The following ASIC2 variants were observed in gnomAD, a reference collection of about 807,000 sequenced individuals.
ASIC2 encodes the protein acid-sensing ion channel 2.
A neutral mutation model predicts 57.3 loss-of-function variants in ASIC2; 25 were observed. The observed-to-expected ratio is 0.44, with a 90% CI of 0.32 to 0.61. ASIC2 has a LOEUF of 0.61. Ranked by LOEUF, ASIC2 falls within the 20% of genes least tolerant of loss-of-function variation. The pLI, the probability that ASIC2 is intolerant of heterozygous loss-of-function variation, is 0.06. For synonymous variants in ASIC2, 319 were observed against 307.5 expected (o/e 1.04, Z -0.39); for missense variants, 641 against 738.1 (o/e 0.87, Z 1.52).
At chr17:33,371,673 G>A (rs765673231) in intron 1 of ASIC2, among the ~76,000 whole-genome samples, 1 of 149,268 alleles carries the variant, frequency 6.7e-6, no homozygotes, top group Admixed American at 6.7e-5. Context: ...GAAAACACTC[G>A]CAAACTATAA....
chr17:33,786,563 C>G (rs1482112878), intron 1 of ASIC2, among the ~76,000 whole-genome samples: 1 of 152,166 alleles, frequency 6.6e-6, no homozygotes, highest in African/African-American at 2.4e-5. Flanking sequence ...TAAAGAATGG[C>G]TTTTTAAATT....
chr17:33,084,188 T>A (rs2092125316), intron 3 of ASIC2, among the ~76,000 whole-genome samples: 1 of 151,994 alleles, frequency 6.6e-6, no homozygotes, highest in Non-Finnish European at 1.5e-5. Flanking sequence ...ATGCTAGAGG[T>A]CATTTGAAGT....
At chr17:33,499,672 A>G (rs1914043333) in intron 1 of ASIC2, among the ~76,000 whole-genome samples, 1 of 152,264 alleles carries the variant, frequency 6.6e-6, no homozygotes, top group Non-Finnish European at 1.5e-5. Context: ...ACACCTGATG[A>G]TACTGACTGG....
At chr17:33,519,277 T>C (rs577542875) in intron 1 of ASIC2, among the ~76,000 whole-genome samples, 2 of 152,218 alleles carry the variant, frequency 1.3e-5, no homozygotes, top group African/African-American at 2.4e-5. Flanking sequence ...GTTATACAAA[T>C]AGAAGCAGAG....
chr17:33,683,039 G>A (rs1908058211), intron 1 of ASIC2, among the ~76,000 whole-genome samples: 1 of 152,216 alleles, frequency 6.6e-6, no homozygotes, highest in Non-Finnish European at 1.5e-5. Context: ...TAGTTATAGA[G>A]GCTAGAAGTT....
At chr17:33,335,912 G>A (rs1907495870) in intron 1 of ASIC2, among the ~76,000 whole-genome samples, 1 of 152,178 alleles carries the variant, frequency 6.6e-6, no homozygotes, top group Non-Finnish European at 1.5e-5. Flanking sequence ...TAGACTCACA[G>A]GAGGGGAAGG....
At chr17:33,510,014 AAATAGC>A (rs1914384302) in intron 1 of ASIC2, among the ~76,000 whole-genome samples, 1 of 152,218 alleles carries the variant, frequency 6.6e-6, no homozygotes, top group South Asian at 2.1e-4. Context: ...CCTTCTCTTT[AAATAGC>A]CCTCCAGAGG....
chr17:33,542,760 A>T (rs1915456902), intron 1 of ASIC2, among the ~76,000 whole-genome samples: 2 of 132,972 alleles, frequency 1.5e-5, no homozygotes, highest in Admixed American at 7.8e-5. Context: ...ATTAGATCCC[A>T]TTTGTCAATT....
At chr17:33,157,849 C>T (rs2142036049) in intron 1 of ASIC2, among the ~76,000 whole-genome samples, 1 of 152,370 alleles carries the variant, frequency 6.6e-6, no homozygotes, top group South Asian at 2.1e-4. Flanking sequence ...CACATCCTCA[C>T]CATGGCCTGT....
intron 1 of ASIC2, among the ~76,000 whole-genome samples, chr17:33,782,006 C>T (rs1471097045): frequency 6.6e-6 from 1 of 152,136 alleles, no homozygotes. Context: ...CCAATCTGGC[C>T]TCTTGCAATG....
At chr17:33,985,050 A>G (rs1347512409) in intron 1 of ASIC2, among the ~76,000 whole-genome samples, 1 of 152,222 alleles carries the variant, frequency 6.6e-6, no homozygotes, top group Non-Finnish European at 1.5e-5. Context: ...AGTGATAAAC[A>G]TATGGGGCTC....
At chr17:33,529,727 C>T (rs752149118) in intron 1 of ASIC2, 5 of 152,240 alleles carry the variant, frequency 3.3e-5, no homozygotes, top group Admixed American at 6.5e-5. Flanking sequence ...GTGCTTAGAA[C>T]AGTCACTTCT....
chr17:33,871,320 G>T (rs184326328), intron 1 of ASIC2, among the ~76,000 whole-genome samples: 13 of 152,334 alleles, frequency 8.5e-5, no homozygotes, highest in Non-Finnish European at 1.6e-4. Flanking sequence ...CAAATGGAAA[G>T]TATTTTGGGC....
intron 1 of ASIC2, among the ~76,000 whole-genome samples, chr17:34,087,994 T>C (rs1910174778): frequency 6.6e-6 from 1 of 152,242 alleles, no homozygotes; most frequent in African/African-American, 2.4e-5. Flanking sequence ...AATTTCCTCC[T>C]GTAGCTTGGA....
intron 1 of ASIC2, among the ~76,000 whole-genome samples, chr17:33,562,725 AGAGGGTTGATATGT>A (rs933089180): frequency 2.0e-5 from 3 of 152,148 alleles, no homozygotes; most frequent in African/African-American, 7.2e-5. Context: ...CTTAGCCTCC[AGAGGGTTGATATGT>A]GAGGCAGCTC....
intron 1 of ASIC2, among the ~76,000 whole-genome samples, chr17:34,151,519 G>A (rs1294895689): frequency 6.6e-6 from 1 of 152,206 alleles, no homozygotes. Context: ...CACAGGACAA[G>A]TGAGCTTCCT....
chr17:33,787,005 T>C (rs1257256321), intron 1 of ASIC2, among the ~76,000 whole-genome samples: 1 of 152,216 alleles, frequency 6.6e-6, no homozygotes, highest in African/African-American at 2.4e-5. Flanking sequence ...ATCAAGCTTC[T>C]TGGATGGATG....
At chr17:34,137,168 T>C (rs975518679) in intron 1 of ASIC2, among the ~76,000 whole-genome samples, 1 of 152,254 alleles carries the variant, frequency 6.6e-6, no homozygotes. Context: ...TGTATATCTG[T>C]AACCTTCTAA....
intron 1 of ASIC2, among the ~76,000 whole-genome samples, chr17:33,417,833 G>C (rs1288009973): frequency 6.6e-6 from 1 of 152,170 alleles, no homozygotes; most frequent in African/African-American, 2.4e-5. Flanking sequence ...CACAACATCT[G>C]TGTGATGTCC....
Sources: allele counts gnomAD v4.1 joint callset (sites outside exome capture counted in the v4.1 genomes callset), GRCh38; gene constraint gnomAD v4.1.1; transcripts MANE v1.5; gene names NCBI Gene and HGNC (gene_info 2026-07-23, HGNC 2026-07-21).